PLAG1: variants seen among roughly 807,000 people sequenced by gnomAD.
PLAG1 encodes PLAG1 zinc finger, also known as zinc finger protein PLAG1.
In PLAG1, 7 loss-of-function variants were observed where a neutral mutation model predicts 35.5. That is an observed-to-expected ratio of 0.20 (90% CI 0.11 to 0.37). The LOEUF is 0.37. Ranked by LOEUF, PLAG1 falls within the 10% of genes least tolerant of loss-of-function variation. PLAG1 has a pLI of 1.00. For synonymous variants in PLAG1, 229 were observed against 225.4 expected (o/e 1.02, Z -0.14); for missense variants, 454 against 602.8 (o/e 0.75, Z 2.58).
chr8:56,206,903 T>G (rs1285484459), intron 1 of PLAG1, among the ~76,000 whole-genome samples: 1 of 151,990 alleles, frequency 6.6e-6, no homozygotes, highest in Non-Finnish European at 1.5e-5. Flanking sequence ...TTGAACAGAT[T>G]CAGTTTCCTC....
At position 56,162,857 on chromosome 8, in the gene PLAG1, GA is replaced by G. The variant is rs1401615835; in HGVS notation, c.*3385del. ...ATCACTATATTCCACAAATGACTAA[GA>G]AAAATAAAGCACAAGCAACAAATAG... is the stretch of plus-strand genomic sequence containing the variant. On this transcript the variant is annotated 3_prime_UTR_variant, in exon 5 of 5. Coordinates refer to ENST00000316981, the MANE Select transcript of PLAG1 (RefSeq NM_002655.3). 4.6e-6 allele frequency: 1 copy of G among 215,764 alleles called. No homozygotes were observed. The highest frequency in any genetic ancestry group is 5.8e-5 in the Admixed American group (1 of 17,148). The allele number at this position is 215,764 out of a possible 1,614,324, so 13.4% of individuals were successfully genotyped here.
rs1057284190 is a variant in PLAG1, at chr8:56,195,646, A to T, written c.-322+15475T>A. Among the ~76,000 whole-genome samples the T allele has an allele frequency of 2.0e-5, 3 of 152,270 alleles. No individual in the cohort carries two copies. In the East Asian group the frequency reaches 5.8e-4, roughly 29 times the overall value. Reference sequence around the variant, plus strand: ...GGGTGAGACAGATGTGAGGAGGCCCAAAGTTCATAGCCAGCAGCTGGAGAG... The same window carrying T: ...GGGTGAGACAGATGTGAGGAGGCCCTAAGTTCATAGCCAGCAGCTGGAGAG... On this transcript the variant is annotated intron_variant, in intron 1 of 4. Coordinates refer to ENST00000316981, the MANE Select transcript of PLAG1 (RefSeq NM_002655.3).
At chr8:56,196,922 G>A (rs1812385259) in intron 1 of PLAG1, among the ~76,000 whole-genome samples, 1 of 151,290 alleles carries the variant, frequency 6.6e-6, no homozygotes, top group Non-Finnish European at 1.5e-5. Context: ...CCCACATGGG[G>A]TGCAGGCACC....
In PLAG1 at chr8:56,161,241, G is replaced by A. The variant is rs1476419685; in HGVS notation, c.*5002C>T. 1 of 201,626 alleles carries A rather than the reference G, an allele frequency of 5.0e-6. No individual in the cohort carries two copies. Among genetic ancestry groups the A allele is most frequent in the Non-Finnish European group, 1.0e-5 (1 of 97,826 alleles). 12.5% of individuals were successfully genotyped at this position (201,626 alleles called of 1,614,324 possible). A position where few individuals can be genotyped will look rare whatever the true frequency, so the allele number is the denominator to read the frequency against. ...ACACGATATACATGATAAGCCACTT[G>A]ATTTCCCAATATTACAGAATAGCAA... On this transcript the variant is annotated 3_prime_UTR_variant, in exon 5 of 5. Transcript: ENST00000316981.
chr8:56,206,242 T>C (rs1163729703), intron 1 of PLAG1, among the ~76,000 whole-genome samples: 2 of 151,982 alleles, frequency 1.3e-5, no homozygotes, highest in East Asian at 1.9e-4. Flanking sequence ...TGCAAACCTC[T>C]GGACAGCAGA....
rs765359819 is a variant in PLAG1 at position 56,167,655 on chromosome 8, T to C, written c.243-152A>G. 3.4e-4 allele frequency: 210 copies of C among 623,682 alleles called. No homozygotes were observed. The highest frequency in any genetic ancestry group is 4.9e-4 in the Non-Finnish European group (178 of 363,278). 38.6% of individuals were successfully genotyped at this position (623,682 alleles called of 1,614,324 possible). A position where few individuals can be genotyped will look rare whatever the true frequency, so the allele number is the denominator to read the frequency against. ...ATATATACCACGAGGATAGTTAATA[T>C]ACCTAATTACTGCAAAACTTGAGCC... On this transcript the variant is annotated intron_variant, in intron 4 of 4. Coordinates refer to ENST00000316981, the MANE Select transcript of PLAG1 (RefSeq NM_002655.3). The surrounding 1 kb of genome is among the most constrained non-coding windows in gnomAD (Gnocchi z 5.9).
intron 1 of PLAG1, among the ~76,000 whole-genome samples, chr8:56,208,345 T>G (rs1004884453): frequency 6.6e-6 from 1 of 152,186 alleles, no homozygotes; most frequent in Non-Finnish European, 1.5e-5. Flanking sequence ...TTCCAATCAA[T>G]TTTGATTTAA....
chr8:56,166,782 C>T lies in PLAG1; in HGVS notation c.964G>A (p.Asp322Asn). The T allele has an allele frequency of 6.2e-7, 1 of 1,613,978 alleles. No homozygotes were observed. The highest frequency in any genetic ancestry group is 8.5e-7 in the Non-Finnish European group (1 of 1,179,914). ...AGGTGGTGAGAGGGATGAACAGTGT[C>T]CATATCTATTGGGCATGTCATTCCC... is the stretch of plus-strand genomic sequence containing the variant. The part of the protein sequence containing the change: ...PLGMTCPIDM[D>N]TVHPSHHLSF... The change falls in exon 5 of 5, where the codon GAC becomes AAC. Residue 322 changes from aspartate (D) to asparagine (N), a missense_variant. This residue lies in a region of PLAG1 where 271 missense variants were observed against 315.6 expected (regional missense o/e 0.86). Coordinates refer to ENST00000316981, the MANE Select transcript of PLAG1 (RefSeq NM_002655.3).
In PLAG1 at chr8:56,192,994, T is replaced by C. The variant is rs916092150; in HGVS notation, c.-321-13481A>G. On this transcript the variant is annotated intron_variant, in intron 1 of 4. Coordinates refer to ENST00000316981, the MANE Select transcript of PLAG1 (RefSeq NM_002655.3). Reference sequence around the variant, plus strand: ...GGGTCAAAAAAGACTTTAAGAAATATAACAGCTAACAGCAGGTATGGACCT... The same window carrying C: ...GGGTCAAAAAAGACTTTAAGAAATACAACAGCTAACAGCAGGTATGGACCT... Among the ~76,000 whole-genome samples the C allele has an allele frequency of 4.6e-5, 7 of 152,192 alleles. No homozygotes were observed. The East Asian group carries it at 1.3e-3, about 29-fold the overall frequency.
At chr8:56,189,533 TA>T (rs767363995) in intron 1 of PLAG1, among the ~76,000 whole-genome samples, 7 of 152,178 alleles carry the variant, frequency 4.6e-5, no homozygotes, top group Non-Finnish European at 1.0e-4. Context: ...ACACAAAGAT[TA>T]ATCAGTCACC....
chr8:56,202,704 T>C lies in PLAG1; in HGVS notation c.-322+8417A>G, dbSNP rs546379534. On this transcript the variant is annotated intron_variant, in intron 1 of 4. Coordinates refer to ENST00000316981, the MANE Select transcript of PLAG1 (RefSeq NM_002655.3). ...CACCACATGAGATCTAATGTTTAAG[T>C]AGAGCAACTGTATCTCTGGTATACA... Among the ~76,000 whole-genome samples, 4 of 152,330 alleles carry C rather than the reference T, an allele frequency of 2.6e-5. No homozygotes were observed. In the South Asian group the frequency reaches 8.3e-4, roughly 32 times the overall value.
At position 56,179,516 on chromosome 8, in the gene PLAG1, A is replaced by G; in HGVS notation, c.-321-3T>C. On this transcript the variant is annotated splice_polypyrimidine_tract_variant and splice_region_variant and intron_variant, in intron 1 of 4. Transcript: ENST00000316981. ...CCAAGGCAGCACCAAGAGGCAACCT[A>G]AAAAGAAAAGAAGAGTTAGTTTTAA... The G allele has an allele frequency of 3.3e-6, 3 of 912,352 alleles. No individual in the cohort carries two copies. The highest frequency in any genetic ancestry group is 3.9e-6 in the Non-Finnish European group (3 of 762,818). The allele number at this position is 912,352 out of a possible 1,614,324, so 56.5% of individuals were successfully genotyped here. A position where few individuals can be genotyped will look rare whatever the true frequency, so the allele number is the denominator to read the frequency against.
At chr8:56,195,410 T>C (rs1255238312) in intron 1 of PLAG1, among the ~76,000 whole-genome samples, 1 of 152,204 alleles carries the variant, frequency 6.6e-6, no homozygotes, top group Non-Finnish European at 1.5e-5. Context: ...CAGACAGCAC[T>C]ATTATTCCAG....
chr8:56,164,227 A>G lies in PLAG1; in HGVS notation c.*2016T>C, dbSNP rs1013495469. On this transcript the variant is annotated 3_prime_UTR_variant, in exon 5 of 5. Coordinates refer to ENST00000316981, the MANE Select transcript of PLAG1 (RefSeq NM_002655.3). ...ACATAAGTATAAAAACTACTGCTCC[A>G]AGGATTAAAAAAATATAGGAGCATG... is the stretch of plus-strand genomic sequence containing the variant. 7 of 202,020 alleles carry G rather than the reference A, an allele frequency of 3.5e-5. No homozygotes were observed. Among genetic ancestry groups the G allele is most frequent in the African/African-American group, 1.6e-4 (7 of 43,602 alleles). 12.5% of individuals were successfully genotyped at this position (202,020 alleles called of 1,614,324 possible).
At chr8:56,182,315 T>C (rs1490739909) in intron 1 of PLAG1, among the ~76,000 whole-genome samples, 1 of 151,916 alleles carries the variant, frequency 6.6e-6, no homozygotes, top group Non-Finnish European at 1.5e-5. Context: ...CAAAAAGAGA[T>C]ATGAGGAAGA....
chr8:56,189,256 T>C (rs1343333744), intron 1 of PLAG1, among the ~76,000 whole-genome samples: 1 of 152,258 alleles, frequency 6.6e-6, no homozygotes, highest in Non-Finnish European at 1.5e-5. Flanking sequence ...CACAATGCTT[T>C]AAATTTGAAA....
In PLAG1 at chr8:56,183,004, G is replaced by C. The variant is rs79006623; in HGVS notation, c.-321-3491C>G. ...TGCTCACCTTGGCCAGTGCTGAGTA[G>C]AAGGGTCCTATGTCTGGGAAGAATG... On this transcript the variant is annotated intron_variant, in intron 1 of 4. Transcript: ENST00000316981. 9.5e-3 allele frequency among the ~76,000 whole-genome samples: 1,441 copies of C among 152,308 alleles called. 17 individuals carry two copies. The highest frequency in any genetic ancestry group is 0.031 in the African/African-American group (1,279 of 41,558).
Position 56,167,500 on chromosome 8 carries a change from G to A in PLAG1, c.246C>T (p.His82=). ...TTTTCTCAGGAGAATGAGTAGCCAT[G>A]TGCCTTTAAACACAGATATAATCTA... is the stretch of plus-strand genomic sequence containing the variant. ...AFVSKYKLQR[H]MATHSPEKTH... is the part of the protein sequence containing the mutation. The change falls in exon 5 of 5, where the codon CAC becomes CAT. Residue 82 remains histidine (H), a synonymous_variant. Transcript: ENST00000316981. This position sits in a 1 kb window ranked among gnomAD's most constrained non-coding sequence, Gnocchi z 5.9. 6.3e-7 allele frequency: 1 copy of A among 1,599,362 alleles called. No individual in the cohort carries two copies. Among genetic ancestry groups the A allele is most frequent in the Non-Finnish European group, 8.5e-7 (1 of 1,169,646 alleles).
intron 1 of PLAG1, among the ~76,000 whole-genome samples, chr8:56,198,863 T>C (rs1053226690): frequency 2.0e-5 from 3 of 152,226 alleles, no homozygotes; most frequent in African/African-American, 7.2e-5. Context: ...CTGTGTCCTT[T>C]GCTCATTGTG....
Sources: allele counts gnomAD v4.1 joint callset (sites outside exome capture counted in the v4.1 genomes callset), GRCh38; gene constraint gnomAD v4.1.1; regional missense constraint gnomAD v4.1.1; non-coding constraint Gnocchi (gnomAD v3.1); transcripts MANE v1.5; gene names NCBI Gene and HGNC (gene_info 2026-07-23, HGNC 2026-07-21).